The following SHB variants were observed in gnomAD, a reference collection of about 807,000 sequenced individuals.
SHB encodes the protein SH2 domain-containing adapter protein B.
Under a neutral mutation model 52.3 loss-of-function variants are expected in SHB, and 20 were observed. The observed-to-expected ratio is 0.38, with a 90% CI of 0.27 to 0.56. The LOEUF (loss-of-function observed/expected upper bound fraction) is 0.56. SHB is among the 20% of genes least tolerant of loss of function. SHB has a pLI of 0.71. For synonymous variants in SHB, 397 were observed against 316.5 expected (o/e 1.25, Z -2.70); for missense variants, 825 against 723.3 (o/e 1.14, Z -1.61).
intron 1 of SHB, among the ~76,000 whole-genome samples, chr9:38,063,026 T>C (rs1351104708): frequency 6.6e-6 from 1 of 152,192 alleles, no homozygotes; most frequent in Non-Finnish European, 1.5e-5. Flanking sequence ...AAATGACCGA[T>C]TAAGTGGTTA....
intron 1 of SHB, among the ~76,000 whole-genome samples, chr9:38,057,234 T>C (rs1217983208): frequency 7.9e-5 from 12 of 152,236 alleles, no homozygotes; most frequent in Non-Finnish European, 1.6e-4. Context: ...TTTAAGATAT[T>C]GTAGACATCT....
At chr9:37,998,498 G>A (rs917843178) in intron 2 of SHB, among the ~76,000 whole-genome samples, 3 of 152,178 alleles carry the variant, frequency 2.0e-5, no homozygotes, top group Non-Finnish European at 2.9e-5. Flanking sequence ...TGTCACCTAG[G>A]CTGGAGTGCC....
At chr9:37,955,476 G>GT (rs2117911633) in intron 4 of SHB, among the ~76,000 whole-genome samples, 1 of 152,094 alleles carries the variant, frequency 6.6e-6, no homozygotes, top group Non-Finnish European at 1.5e-5. Context: ...CTCAGTCTGG[G>GT]TATTTATTTA....
intron 2 of SHB, among the ~76,000 whole-genome samples, chr9:38,001,370 C>G (rs1442486155): frequency 6.6e-6 from 1 of 152,244 alleles, no homozygotes; most frequent in Admixed American, 6.5e-5. Context: ...CTGGCAAAGG[C>G]ACCATCGTGT....
At chr9:38,024,235 A>G (rs1373312799) in intron 1 of SHB, among the ~76,000 whole-genome samples, 2 of 152,134 alleles carry the variant, frequency 1.3e-5, no homozygotes, top group Non-Finnish European at 2.9e-5. Context: ...CATCACCACT[A>G]AAGTGTCTTC....
intron 1 of SHB, among the ~76,000 whole-genome samples, chr9:38,031,841 G>A (rs1821419863): frequency 6.6e-6 from 1 of 152,198 alleles, no homozygotes; most frequent in Non-Finnish European, 1.5e-5. Context: ...GGGAGGCAAA[G>A]GTATCTTGAA....
At chr9:37,982,672 G>A (rs1164651110) in intron 2 of SHB, among the ~76,000 whole-genome samples, 1 of 151,782 alleles carries the variant, frequency 6.6e-6, no homozygotes, top group Non-Finnish European at 1.5e-5. Flanking sequence ...GGTGGCACAC[G>A]CCTGTAGTCC....
chr9:37,982,154 G>A (rs1297346459), intron 2 of SHB, among the ~76,000 whole-genome samples: 1 of 151,860 alleles, frequency 6.6e-6, no homozygotes, highest in African/African-American at 2.4e-5. Context: ...ATAAAATGAA[G>A]TATGCCTAAA....
Position 38,039,692 on chromosome 9 carries a change from C to T in SHB, c.718-23561G>A, listed in dbSNP as rs60164931. Among the ~76,000 whole-genome samples the T allele has an allele frequency of 5.8e-3, 885 of 152,334 alleles. 11 individuals carry two copies. The highest frequency in any genetic ancestry group is 0.02 in the African/African-American group (822 of 41,578). On this transcript the variant is annotated intron_variant, in intron 1 of 5. Coordinates refer to ENST00000377707, the MANE Select transcript of SHB (RefSeq NM_003028.3). ...TAAAACACGTAGCAAAGGGGTCATC[C>T]GGAAACAGCCCTGATATAAGAAGTA... is the stretch of plus-strand genomic sequence containing the variant.
intron 3 of SHB, 38 bp downstream of exon 3, chr9:37,974,584 T>C: frequency 6.3e-7 from 1 of 1,577,480 alleles, no homozygotes; most frequent in Non-Finnish European, 8.7e-7. Context: ...TGAGCGCAGC[T>C]CAGCAGCTGC....
At chr9:37,948,905 G>C in intron 4 of SHB, 151 bp from the exon 5 acceptor site, 1 of 983,042 alleles carries the variant, frequency 1.0e-6, no homozygotes, top group Non-Finnish European at 1.5e-6. Flanking sequence ...CCCGCCTGCT[G>C]CTGCCGGGTC....
intron 1 of SHB, among the ~76,000 whole-genome samples, chr9:38,036,346 TG>T (rs2118127089): frequency 6.6e-6 from 1 of 152,322 alleles, no homozygotes; most frequent in Non-Finnish European, 1.5e-5. Flanking sequence ...TATTAGCATC[TG>T]GGAGGAACAA....
At chr9:38,031,961 T>G (rs1476019593) in intron 1 of SHB, among the ~76,000 whole-genome samples, 1 of 152,064 alleles carries the variant, frequency 6.6e-6, no homozygotes, top group East Asian at 1.9e-4. Context: ...ACAAGACACC[T>G]CAACCTACCA....
intron 1 of SHB, among the ~76,000 whole-genome samples, chr9:38,040,400 G>C (rs1001135057): frequency 4.6e-5 from 7 of 152,330 alleles, no homozygotes; most frequent in East Asian, 1.9e-4. Flanking sequence ...TCCCTAAAGG[G>C]GGGGCTTGGG....
Position 38,016,070 on chromosome 9 carries a change from G to C in SHB, c.779C>G (p.Ala260Gly). The C allele has an allele frequency of 6.2e-7, 1 of 1,614,098 alleles. No individual in the cohort carries two copies. ...GTAGCCAGCACTCTCCCCCTTTCCT[G>C]CTTTGCTCTTGAGATCATTCTTGGC... ...FDAKNDLKSK[A>G]GKGESAGYME... The change falls in exon 2 of 6, where the codon GCA (alanine) becomes GGA (glycine). Residue 260 changes from alanine (A) to glycine (G), a missense_variant. Physicochemically the swap from Ala to Gly is moderately conservative, Grantham distance 60. Transcript: ENST00000377707.
At chr9:38,060,366 T>C (rs964091843) in intron 1 of SHB, among the ~76,000 whole-genome samples, 1 of 152,018 alleles carries the variant, frequency 6.6e-6, no homozygotes, top group African/African-American at 2.4e-5. Flanking sequence ...ATAGAGACAG[T>C]GTTTCACCAT....
chr9:37,998,909 A>T (rs1820981107), intron 2 of SHB, among the ~76,000 whole-genome samples: 1 of 152,202 alleles, frequency 6.6e-6, no homozygotes, highest in African/African-American at 2.4e-5. Flanking sequence ...TCTTCCCAAG[A>T]GCCAAGCTCT....
intron 2 of SHB, among the ~76,000 whole-genome samples, chr9:38,012,852 G>T (rs1339008027): frequency 6.7e-6 from 1 of 150,032 alleles, no homozygotes; most frequent in Non-Finnish European, 1.5e-5. Flanking sequence ...ATCCAAAAAG[G>T]ATCATTCTAA....
chr9:38,056,197 A>T (rs1821813159), intron 1 of SHB, among the ~76,000 whole-genome samples: 1 of 152,184 alleles, frequency 6.6e-6, no homozygotes, highest in Non-Finnish European at 1.5e-5. Context: ...GGGTACCCAG[A>T]CACACACTAG....
Sources: allele counts gnomAD v4.1 joint callset (sites outside exome capture counted in the v4.1 genomes callset), GRCh38; gene constraint gnomAD v4.1.1; transcripts MANE v1.5; gene names NCBI Gene and HGNC (gene_info 2026-07-23, HGNC 2026-07-21).